Variants in COBL observed in about 807,000 individuals in gnomAD.
The protein encoded by COBL is protein cordon-bleu.
A neutral mutation model predicts 98.8 loss-of-function variants in COBL; 51 were observed. That is an observed-to-expected ratio of 0.52 (90% CI 0.41 to 0.65). COBL has a LOEUF of 0.65. Among genes scored for constraint, COBL ranks in the 30% least tolerant of loss-of-function variants. The pLI is 0.00. For missense variants in COBL, 1,617 were observed against 1,617.5 expected (o/e 1.00, Z 0.01); for synonymous variants, 634 against 651.7 (o/e 0.97, Z 0.41).
intron 5 of COBL, 126 bp from the exon 6 acceptor site, chr7:51,136,457 C>G: frequency 2.0e-6 from 2 of 1,012,788 alleles, no homozygotes. Context: ...TTTCTACAGT[C>G]AGCTTGAATG....
intron 7 of COBL, among the ~76,000 whole-genome samples, chr7:51,062,874 G>C (rs904354760): frequency 2.0e-5 from 3 of 152,160 alleles, no homozygotes; most frequent in African/African-American, 7.2e-5. Flanking sequence ...GAGCGCTGGG[G>C]CACACACAGG....
intron 5 of COBL, among the ~76,000 whole-genome samples, chr7:51,183,152 G>A (rs1231295432): frequency 6.6e-6 from 1 of 152,170 alleles, no homozygotes; most frequent in Non-Finnish European, 1.5e-5. Context: ...AGGAAATCAG[G>A]TGTCCGGCCT....
intron 7 of COBL, among the ~76,000 whole-genome samples, chr7:51,076,491 C>T (rs1583698793): frequency 2.0e-5 from 3 of 152,204 alleles, no homozygotes; most frequent in African/African-American, 7.2e-5. Context: ...TCTAGATTCG[C>T]AATTCGCAGT....
intron 6 of COBL, among the ~76,000 whole-genome samples, 185 bp from the exon 7 acceptor site, chr7:51,085,489 G>A (rs931459010): frequency 1.5e-4 from 23 of 152,200 alleles, no homozygotes; most frequent in African/African-American, 2.4e-4. Context: ...GCCATGAGGC[G>A]AGAGACCAGC....
intron 7 of COBL, among the ~76,000 whole-genome samples, chr7:51,078,911 G>A (rs925517105): frequency 9.9e-5 from 15 of 152,240 alleles, no homozygotes; most frequent in African/African-American, 2.9e-4. Context: ...AGCTCACAGC[G>A]TGGTGGCTGG....
chr7:51,070,675 CA>C (rs1178690687), intron 7 of COBL, among the ~76,000 whole-genome samples: 1 of 152,160 alleles, frequency 6.6e-6, no homozygotes, highest in African/African-American at 2.4e-5. Context: ...AAGTTGTGAA[CA>C]AACTGTATCA....
chr7:51,197,875 C>T (rs542687573), intron 2 of COBL, among the ~76,000 whole-genome samples: 1 of 152,192 alleles, frequency 6.6e-6, no homozygotes, highest in South Asian at 2.1e-4. Context: ...GTAGATTTTT[C>T]TCAGTCCCTT....
At chr7:51,159,956 G>A (rs767425548) in intron 5 of COBL, among the ~76,000 whole-genome samples, 11 of 152,056 alleles carry the variant, frequency 7.2e-5, no homozygotes, top group African/African-American at 2.2e-4. Flanking sequence ...GCAATGGCAC[G>A]ATCTCAGCTC....
intron 2 of COBL, among the ~76,000 whole-genome samples, chr7:51,202,551 C>T (rs1791232499): frequency 6.6e-6 from 1 of 152,122 alleles, no homozygotes; most frequent in Non-Finnish European, 1.5e-5. Context: ...AAATCCCCCA[C>T]AGAAAGGGAG....
chr7:51,061,912 G>A (rs1443122596), intron 7 of COBL, among the ~76,000 whole-genome samples: 1 of 139,106 alleles, frequency 7.2e-6, no homozygotes, highest in African/African-American at 2.9e-5. Flanking sequence ...AATTACACAA[G>A]GCCATCCCTA....
At chr7:51,122,398 C>T (rs1330336144) in intron 6 of COBL, among the ~76,000 whole-genome samples, 1 of 152,142 alleles carries the variant, frequency 6.6e-6, no homozygotes, top group Non-Finnish European at 1.5e-5. Flanking sequence ...TCCTTTGTGC[C>T]TCTGAACACA....
At chr7:51,103,240 A>G (rs1446480352) in intron 6 of COBL, among the ~76,000 whole-genome samples, 1 of 151,950 alleles carries the variant, frequency 6.6e-6, no homozygotes, top group East Asian at 1.9e-4. Flanking sequence ...AAAAATTTAC[A>G]TTTTTTCACA....
chr7:51,193,531 G>T lies in COBL; in HGVS notation c.304C>A (p.His102Asn). The change falls in exon 3 of 13, where the codon CAC becomes AAC. Residue 102 changes from histidine (H) to asparagine (N), a missense_variant. Physicochemically the swap from His to Asn is moderately conservative, Grantham distance 68 (BLOSUM62 1). This residue lies in a region of COBL where 238 missense variants were observed against 215.0 expected (regional missense o/e 1.11). Coordinates refer to ENST00000265136, the MANE Select transcript of COBL (RefSeq NM_015198.5). ...GAAGACCGAATTTCAAGGGCATGGT[G>T]GGATGGATTCAGGTGGTTCTGAAGG... ...LCLQNHLNPSHHALEIRSSET... is the reference protein window; with the variant it reads ...LCLQNHLNPSNHALEIRSSET... 1 of 1,614,182 alleles carries T rather than the reference G, an allele frequency of 6.2e-7. No homozygotes were observed. The highest frequency in any genetic ancestry group is 1.1e-5 in the South Asian group (1 of 91,086).
rs542885445 is a variant in COBL at position 51,205,503 on chromosome 7, G to GA, written c.246-11915dup. Among the ~76,000 whole-genome samples the GA allele has an allele frequency of 5.6e-3, 790 of 140,022 alleles. 6 individuals are homozygous for GA. The highest frequency in any genetic ancestry group is 0.015 in the Middle Eastern group (4 of 274). 91.9% of individuals were successfully genotyped at this position (140,022 alleles called of 152,430 possible). A position where few individuals can be genotyped will look rare whatever the true frequency, so the allele number is the denominator to read the frequency against. On this transcript the variant is annotated intron_variant, in intron 2 of 12. Transcript: ENST00000265136. ...TCTGACCCTTATCTCACTCTATACAGAAAAAAAAAAACTCAAAATAGATTA... is the reference window on the plus strand; with the variant it reads ...TCTGACCCTTATCTCACTCTATACAGAAAAAAAAAAAACTCAAAATAGATTA...
intron 6 of COBL, among the ~76,000 whole-genome samples, chr7:51,089,251 T>A (rs1407775522): frequency 6.6e-6 from 1 of 152,136 alleles, no homozygotes; most frequent in Admixed American, 6.5e-5. Context: ...CAGTGACTCA[T>A]GCCTGTAATC....
intron 5 of COBL, among the ~76,000 whole-genome samples, chr7:51,152,873 C>T (rs1308271815): frequency 6.6e-6 from 1 of 152,238 alleles, no homozygotes; most frequent in African/African-American, 2.4e-5. Flanking sequence ...AATGCTCCAA[C>T]GGTTCAGCCC....
intron 1 of COBL, among the ~76,000 whole-genome samples, chr7:51,246,919 G>A (rs1796316643): frequency 6.6e-6 from 1 of 152,152 alleles, no homozygotes; most frequent in Non-Finnish European, 1.5e-5. Context: ...AGCCTAGGGT[G>A]GACCCCTGTC....
intron 12 of COBL, among the ~76,000 whole-genome samples, chr7:51,019,473 T>A (rs1402369796): frequency 6.6e-6 from 1 of 152,144 alleles, no homozygotes. Context: ...TAATCTAGAC[T>A]GAGGGAGGCT....
chr7:51,294,541 G>A (rs1336778040), intron 1 of COBL, among the ~76,000 whole-genome samples: 3 of 150,998 alleles, frequency 2.0e-5, no homozygotes, highest in Admixed American at 2.0e-4. Context: ...TACTCAGGAG[G>A]CTGAGGTGGG....
Sources: allele counts gnomAD v4.1 joint callset (sites outside exome capture counted in the v4.1 genomes callset), GRCh38; gene constraint gnomAD v4.1.1; regional missense constraint gnomAD v4.1.1; transcripts MANE v1.5; gene names NCBI Gene and HGNC (gene_info 2026-07-23, HGNC 2026-07-21).